The following PLLP variants were observed in gnomAD, a reference collection of about 807,000 sequenced individuals.
The protein encoded by PLLP is plasma membrane proteolipid (plasmolipin).
PLLP carries 15 observed loss-of-function variants against 19.7 expected under a neutral mutation model. That is an observed-to-expected ratio of 0.76 (90% confidence interval 0.51 to 1.17). PLLP has a LOEUF of 1.17. Ranked by LOEUF, PLLP falls within the 50% of genes most tolerant of loss-of-function variation. The pLI, the probability that PLLP is intolerant of heterozygous loss-of-function variation, is 0.00. For missense variants in PLLP, 255 were observed against 258.3 expected (o/e 0.99, Z 0.09); for synonymous variants, 111 against 116.3 (o/e 0.95, Z 0.29).
intron 1 of PLLP, among the ~76,000 whole-genome samples, chr16:57,275,842 G>A (rs1374233258): frequency 2.0e-5 from 3 of 152,194 alleles, no homozygotes; most frequent in Non-Finnish European, 4.4e-5. Context: ...AGATCCTGGC[G>A]CCGCGCCTTG....
chr16:57,261,721 G>A (rs1203596320), intron 2 of PLLP, among the ~76,000 whole-genome samples, 176 bp downstream of exon 2: 1 of 151,882 alleles, frequency 6.6e-6, no homozygotes, highest in Non-Finnish European at 1.5e-5. Flanking sequence ...CTGTCTTGAA[G>A]GAAAAATAGA....
Position 57,262,081 on chromosome 16 carries a change from C to A in PLLP, c.136-11G>T. On this transcript the variant is annotated splice_polypyrimidine_tract_variant and intron_variant, in intron 1 of 3. Coordinates refer to ENST00000219207, the MANE Select transcript of PLLP (RefSeq NM_015993.3). Reference sequence around the variant, plus strand: ...CAGCAGCCCCAGCACCTAGGAGGGTCAGACAAGGCAGGATTGGCCAGAGAT... The same window carrying A: ...CAGCAGCCCCAGCACCTAGGAGGGTAAGACAAGGCAGGATTGGCCAGAGAT... 6.2e-7 allele frequency: 1 copy of A among 1,613,854 alleles called. No individual in the cohort carries two copies. The highest frequency in any genetic ancestry group is 1.6e-4 in the Middle Eastern group (1 of 6,062).
rs1357266699 is a variant in PLLP at position 57,258,246 on chromosome 16, T to C, written c.432+216A>G. 2.0e-5 allele frequency among the ~76,000 whole-genome samples: 3 copies of C among 151,324 alleles called. No individual in the cohort carries two copies. The East Asian group carries it at 5.8e-4, about 29-fold the overall frequency. ...ATTCCATCTCAAAAAAAAGAAAAAATAGTTAACCCAAAACTTCCATTGCCC... is the reference window on the plus strand; with the variant it reads ...ATTCCATCTCAAAAAAAAGAAAAAACAGTTAACCCAAAACTTCCATTGCCC... On this transcript the variant is annotated intron_variant, in intron 3 of 3. Transcript: ENST00000219207.
rs17523450 is a variant in PLLP, at chr16:57,284,668, G to A, written c.-128C>T. ...TGTGTGGCTCCAGGCGCTGCAGGAG[G>A]CGTCGGGGCTGGGAGCCTGGGGCGC... On this transcript the variant is annotated 5_prime_UTR_variant, in exon 1 of 4. Coordinates refer to ENST00000219207, the MANE Select transcript of PLLP (RefSeq NM_015993.3). 1.7e-3 allele frequency: 1,621 copies of A among 968,846 alleles called. 36 individuals carry two copies. In the East Asian group the frequency reaches 0.049, roughly 29 times the overall value. The allele number at this position is 968,846 out of a possible 1,614,324, so 60.0% of individuals were successfully genotyped here.
At chr16:57,257,337 C>T (rs2075429052) in intron 3 of PLLP, among the ~76,000 whole-genome samples, 1 of 152,198 alleles carries the variant, frequency 6.6e-6, no homozygotes, top group African/African-American at 2.4e-5. Flanking sequence ...AAAAAGACAA[C>T]ATTCAAAGGA....
rs143343298 is a variant in PLLP, at chr16:57,274,801, A to G, written c.135+9605T>C. On this transcript the variant is annotated intron_variant, in intron 1 of 3. Coordinates refer to ENST00000219207, the MANE Select transcript of PLLP (RefSeq NM_015993.3). Reference sequence around the variant, plus strand: ...TTTTGAGATGGAGTCTTGCTCTGTCACCCAGGCTGGAGTGCAGTGATGCGA... The same window carrying G: ...TTTTGAGATGGAGTCTTGCTCTGTCGCCCAGGCTGGAGTGCAGTGATGCGA... Among the ~76,000 whole-genome samples, 1,178 of 151,292 alleles carry G rather than the reference A, an allele frequency of 7.8e-3. 11 individuals are homozygous for G. The highest frequency in any genetic ancestry group is 0.027 in the Middle Eastern group (8 of 294).
rs370058588 is a variant in PLLP, at chr16:57,258,475, C to G, written c.419G>C (p.Arg140Pro). Residue 140 changes from arginine to proline, a missense_variant, in exon 3 of 4, where the codon CGC (arginine) becomes CCC (proline). Coordinates refer to ENST00000219207, the MANE Select transcript of PLLP (RefSeq NM_015993.3). ...SLRGTRPYNQ[R>P]AAASFFACLV... ...AAGCAGACTCACCGAGGCAGCCGCG[C>G]GCTGGTTATAAGGCCGGGTGCCCCT... 2.5e-6 allele frequency: 4 copies of G among 1,611,424 alleles called. No homozygotes were observed. Among genetic ancestry groups the G allele is most frequent in the Non-Finnish European group, 3.4e-6 (4 of 1,179,916 alleles).
chr16:57,266,863 C>CCTTT (rs2075458982), intron 1 of PLLP, among the ~76,000 whole-genome samples: 1 of 97,338 alleles, frequency 1.0e-5, no homozygotes, highest in Non-Finnish European at 2.1e-5. Context: ...GGCACAGGGC[C>CCTTT]TTTTTTTTTT....
At chr16:57,258,340 T>TGTG (rs1159720815) in intron 3 of PLLP, 122 bp downstream of exon 3, 3 of 950,230 alleles carry the variant, frequency 3.2e-6, no homozygotes, top group South Asian at 1.6e-5. Context: ...TAAGACCCAC[T>TGTG]GAGTGTTCAG....
At chr16:57,261,159 TGTATTTTG>T (rs1284940601) in intron 2 of PLLP, among the ~76,000 whole-genome samples, 21 of 123,412 alleles carry the variant, frequency 1.7e-4, no homozygotes, top group African/African-American at 5.8e-4. Context: ...GGCTAATTGT[TGTATTTTG>T]CTAATTGTTG....
At chr16:57,269,025 G>A (rs182374351) in intron 1 of PLLP, among the ~76,000 whole-genome samples, 6 of 152,302 alleles carry the variant, frequency 3.9e-5, no homozygotes, top group Admixed American at 3.9e-4. Flanking sequence ...TAAGGCGGTG[G>A]TGCTCCCACA....
At chr16:57,283,681 G>T (rs1597967673) in intron 1 of PLLP, among the ~76,000 whole-genome samples, 1 of 152,306 alleles carries the variant, frequency 6.6e-6, no homozygotes, top group African/African-American at 2.4e-5. Context: ...CTGTACAGGG[G>T]TCTGGGAGAG....
chr16:57,261,818 C>T, intron 2 of PLLP, 79 bp downstream of exon 2: 5 of 1,342,532 alleles, frequency 3.7e-6, no homozygotes, highest in South Asian at 3.7e-5. Flanking sequence ...AGGCCACCCC[C>T]CCACACCCTG....
At chr16:57,259,433 G>C (rs1050475956) in intron 2 of PLLP, among the ~76,000 whole-genome samples, 1 of 152,252 alleles carries the variant, frequency 6.6e-6, no homozygotes, top group East Asian at 1.9e-4. Context: ...CAAATGCCAG[G>C]GTCAGGACCA....
At position 57,256,672 on chromosome 16, in the gene PLLP, C is replaced by G. The variant is rs2075426600; in HGVS notation, c.*241G>C. On this transcript the variant is annotated 3_prime_UTR_variant, in exon 4 of 4. Coordinates refer to ENST00000219207, the MANE Select transcript of PLLP (RefSeq NM_015993.3). ...GCCTCAGATCCCCCGTCATCTTCCACTGAATAAGGGGGATGGAGAAGAGGT... is the reference window on the plus strand; with the variant it reads ...GCCTCAGATCCCCCGTCATCTTCCAGTGAATAAGGGGGATGGAGAAGAGGT... 1 of 491,482 alleles carries G rather than the reference C, an allele frequency of 2.0e-6. No individual in the cohort carries two copies. Among genetic ancestry groups the G allele is most frequent in the East Asian group, 3.2e-5 (1 of 31,102 alleles). 30.4% of individuals were successfully genotyped at this position (491,482 alleles called of 1,614,324 possible).
chr16:57,277,442 TAGTC>T (rs35776636), intron 1 of PLLP, among the ~76,000 whole-genome samples: 5,002 of 152,020 alleles, frequency 0.033, 95 homozygotes, highest in Non-Finnish European at 0.045. Context: ...ATACAAAAAT[TAGTC>T]AGGCCATGGT....
At chr16:57,269,460 T>C (rs1207240475) in intron 1 of PLLP, among the ~76,000 whole-genome samples, 1 of 152,020 alleles carries the variant, frequency 6.6e-6, no homozygotes, top group African/African-American at 2.4e-5. Flanking sequence ...AGGTGTGTCA[T>C]GGAGATGAAA....
intron 1 of PLLP, among the ~76,000 whole-genome samples, chr16:57,269,042 C>T (rs1473340254): frequency 2.0e-5 from 3 of 152,274 alleles, no homozygotes; most frequent in South Asian, 4.1e-4. Flanking sequence ...CACAGGAGGC[C>T]CCAGAAATCC....
At chr16:57,278,590 C>G (rs368572044) in intron 1 of PLLP, among the ~76,000 whole-genome samples, 264 of 152,260 alleles carry the variant, frequency 1.7e-3, no homozygotes, top group African/African-American at 6.0e-3. Flanking sequence ...AATACTCCCC[C>G]CCTTGCAGTA....
Sources: allele counts gnomAD v4.1 joint callset (sites outside exome capture counted in the v4.1 genomes callset), GRCh38; gene constraint gnomAD v4.1.1; transcripts MANE v1.5; gene names NCBI Gene and HGNC (gene_info 2026-07-23, HGNC 2026-07-21).